GABRG3: variants seen among roughly 807,000 people sequenced by gnomAD.
GABRG3 encodes gamma-aminobutyric acid receptor subunit gamma-3.
GABRG3 carries 25 observed loss-of-function variants against 48.8 expected under a neutral mutation model. That is an observed-to-expected ratio of 0.51 (90% CI 0.37 to 0.72). The LOEUF (loss-of-function observed/expected upper bound fraction) is 0.72. Ranked by LOEUF, GABRG3 falls within the 30% of genes least tolerant of loss-of-function variation. The pLI is 0.00. For missense variants in GABRG3, 394 were observed against 577.9 expected, an observed-to-expected ratio of 0.68 and a Z score of 3.26; for synonymous variants, 227 against 217.6, an observed-to-expected ratio of 1.04 and a Z score of -0.38.
chr15:27,198,223 T>C (rs938983557), intron 3 of GABRG3, among the ~76,000 whole-genome samples: 3 of 152,130 alleles, frequency 2.0e-5, no homozygotes, highest in African/African-American at 7.2e-5. Context: ...ACCTACAGAA[T>C]GGGAGAAAAC....
intron 5 of GABRG3, among the ~76,000 whole-genome samples, chr15:27,370,959 C>T (rs1391988295): frequency 6.6e-6 from 1 of 152,162 alleles, no homozygotes; most frequent in Non-Finnish European, 1.5e-5. Context: ...CCTGCTCCTT[C>T]TCAAACTGAA....
At chr15:27,032,154 A>G (rs1896097746) in intron 3 of GABRG3, among the ~76,000 whole-genome samples, 1 of 152,084 alleles carries the variant, frequency 6.6e-6, no homozygotes, top group Non-Finnish European at 1.5e-5. Flanking sequence ...CTGTTCTGTG[A>G]TGTTTTAAAG....
chr15:27,449,222 G>A (rs369486126), intron 5 of GABRG3, among the ~76,000 whole-genome samples: 11 of 152,052 alleles, frequency 7.2e-5, no homozygotes, highest in African/African-American at 1.9e-4. Context: ...GTGCATACTC[G>A]CACTGGAATG....
chr15:27,075,850 G>C (rs1896901413), intron 3 of GABRG3, among the ~76,000 whole-genome samples: 1 of 152,174 alleles, frequency 6.6e-6, no homozygotes, highest in Non-Finnish European at 1.5e-5. Flanking sequence ...AAGGATTCCA[G>C]TCCAGGGGAA....
chr15:27,340,162 T>A (rs1422943904), intron 5 of GABRG3, among the ~76,000 whole-genome samples: 3 of 151,926 alleles, frequency 2.0e-5, no homozygotes, highest in Non-Finnish European at 4.4e-5. Flanking sequence ...TAGGTGAAGG[T>A]GTTATAGATT....
intron 5 of GABRG3, among the ~76,000 whole-genome samples, chr15:27,354,217 C>T (rs1040342701): frequency 1.7e-4 from 26 of 152,154 alleles, no homozygotes; most frequent in African/African-American, 6.3e-4. Context: ...AGCTACTCTT[C>T]ACACATAGAA....
chr15:27,167,431 G>A (rs12911670), intron 3 of GABRG3, among the ~76,000 whole-genome samples: 43,191 of 152,148 alleles, frequency 0.28, 7,154 homozygotes, highest in Middle Eastern at 0.39. Flanking sequence ...TTAAAACCAA[G>A]ATGTCCTGGC....
intron 3 of GABRG3, among the ~76,000 whole-genome samples, chr15:27,297,221 T>G (rs1385302535): frequency 6.6e-6 from 1 of 152,166 alleles, no homozygotes; most frequent in Non-Finnish European, 1.5e-5. Context: ...CAAAAGAAAG[T>G]TTATAAAGTA....
At chr15:27,379,404 A>T (rs1053729356) in intron 5 of GABRG3, among the ~76,000 whole-genome samples, 1 of 152,220 alleles carries the variant, frequency 6.6e-6, no homozygotes, top group African/African-American at 2.4e-5. Context: ...CATAAGCTAT[A>T]ATCATCAAAT....
At chr15:27,066,717 T>C (rs538120184) in intron 3 of GABRG3, among the ~76,000 whole-genome samples, 1 of 152,120 alleles carries the variant, frequency 6.6e-6, no homozygotes, top group Non-Finnish European at 1.5e-5. Flanking sequence ...TGTGGGTCAC[T>C]TTTCCTGGAC....
chr15:27,159,092 C>G (rs546380128), intron 3 of GABRG3, among the ~76,000 whole-genome samples: 1 of 151,454 alleles, frequency 6.6e-6, no homozygotes, highest in Non-Finnish European at 1.5e-5. Flanking sequence ...TCTTCCTCCA[C>G]GCCCTCCTCC....
rs77620256 is a variant in GABRG3, at chr15:27,035,441, G to A, written c.270+8620G>A. On this transcript the variant is annotated intron_variant, in intron 3 of 9. Coordinates refer to ENST00000615808, the MANE Select transcript of GABRG3 (RefSeq NM_033223.5). ...TAGCTTCTTATTTTCCTTTCATCTT[G>A]AACTTTTGCACTTCGATTGGATATT... Among the ~76,000 whole-genome samples, 839 of 152,198 alleles carry A rather than the reference G, an allele frequency of 5.5e-3. 6 individuals carry two copies. The highest frequency in any genetic ancestry group is 0.02 in the African/African-American group (812 of 41,490).
At chr15:27,216,743 T>TAATTA (rs1555410282) in intron 3 of GABRG3, among the ~76,000 whole-genome samples, 1 of 100,170 alleles carries the variant, frequency 1.0e-5, no homozygotes, top group African/African-American at 4.3e-5. Flanking sequence ...CTTTTTTTTT[T>TAATTA]TTTATTTTTT....
At chr15:27,027,028 G>T in intron 3 of GABRG3, 1 of 451,800 alleles carries the variant, frequency 2.2e-6, no homozygotes, top group South Asian at 4.7e-5. Flanking sequence ...TCCACTTTTA[G>T]TTTCTTCTTT....
At chr15:27,375,705 C>T (rs1384161630) in intron 5 of GABRG3, among the ~76,000 whole-genome samples, 1 of 152,140 alleles carries the variant, frequency 6.6e-6, no homozygotes, top group Admixed American at 6.5e-5. Flanking sequence ...GAGACTTATT[C>T]ATGAGAACAG....
rs1891614649 is a variant in GABRG3 at position 27,539,285 on chromosome 15, G to C, written c.*6404G>C. On this transcript the variant is annotated 3_prime_UTR_variant, in exon 10 of 10. Transcript: ENST00000615808. ...GGGCAGGTGGAATCGCTCCTGGCAA[G>C]GGCATGACCGTGCACAGGCTGACAT... 1 of 152,170 alleles carries C rather than the reference G, an allele frequency of 6.6e-6. No homozygotes were observed. Among genetic ancestry groups the C allele is most frequent in the Non-Finnish European group, 1.5e-5 (1 of 68,050 alleles). The allele number at this position is 152,170 out of a possible 1,614,324, so 9.4% of individuals were successfully genotyped here.
chr15:27,238,564 G>T lies in GABRG3; in HGVS notation c.271-88245G>T, dbSNP rs139171489. On this transcript the variant is annotated intron_variant, in intron 3 of 9. Coordinates refer to ENST00000615808, the MANE Select transcript of GABRG3 (RefSeq NM_033223.5). ...TCTGTAACAGGAGGAAAATAAGAGG[G>T]AAAGGGATGGATGACAGCCCCCAAA... Among the ~76,000 whole-genome samples the T allele has an allele frequency of 4.1e-4, 63 of 152,332 alleles. No individual in the cohort carries two copies. The East Asian group carries it at 0.01, about 25-fold the overall frequency.
At chr15:27,388,139 AGGGTAAGGAAGGAAGGAAG>A in intron 5 of GABRG3, among the ~76,000 whole-genome samples, 1 of 85,210 alleles carries the variant, frequency 1.2e-5, no homozygotes, top group African/African-American at 6.5e-5. Context: ...GGAGGGAGGG[AGGGTAAGGAAGGAAGGAAG>A]AAAGGAAGGA....
At chr15:27,278,989 G>A (rs928956703) in intron 3 of GABRG3, among the ~76,000 whole-genome samples, 1 of 152,166 alleles carries the variant, frequency 6.6e-6, no homozygotes, top group African/African-American at 2.4e-5. Flanking sequence ...GTGCTGTTAC[G>A]TTCTGTTTCC....
Sources: gnomAD v4.1 joint callset for allele counts (sites outside exome capture counted in the v4.1 genomes callset) on GRCh38, gnomAD v4.1.1 for gene constraint, MANE v1.5 for transcripts, NCBI Gene and HGNC (gene_info 2026-07-23, HGNC 2026-07-21) for gene names.